FBXO15: variants seen among roughly 807,000 people sequenced by gnomAD.
The protein encoded by FBXO15 is F-box only protein 15.
Under a neutral mutation model 49.5 loss-of-function variants are expected in FBXO15, and 30 were observed. The observed-to-expected ratio is 0.61, with a 90% confidence interval of 0.45 to 0.82. FBXO15 has a LOEUF of 0.82. Ranked by LOEUF, FBXO15 falls within the 40% of genes least tolerant of loss-of-function variation. The pLI is 0.00. For synonymous variants in FBXO15, 250 were observed against 232.7 expected, an observed-to-expected ratio of 1.07 and a Z score of -0.68; for missense variants, 591 against 631.5, an observed-to-expected ratio of 0.94 and a Z score of 0.69.
At chr18:74,084,593 C>T (rs1022225421) in intron 8 of FBXO15, among the ~76,000 whole-genome samples, 2 of 152,198 alleles carry the variant, frequency 1.3e-5, no homozygotes, top group Non-Finnish European at 2.9e-5. Flanking sequence ...CATTAAATTC[C>T]CGTGCTCCTT....
intron 8 of FBXO15, among the ~76,000 whole-genome samples, chr18:74,092,428 G>T (rs750374294): frequency 6.6e-6 from 1 of 152,164 alleles, no homozygotes; most frequent in East Asian, 1.9e-4. Flanking sequence ...TAGTGTGGTC[G>T]TTTGGAGGTG....
chr18:74,087,883 T>C (rs961108287), intron 8 of FBXO15, among the ~76,000 whole-genome samples: 1 of 152,204 alleles, frequency 6.6e-6, no homozygotes, highest in Non-Finnish European at 1.5e-5. Context: ...TGTGTCATTT[T>C]TTTGAATTTT....
intron 6 of FBXO15, 98 bp from the exon 7 acceptor site, chr18:74,124,669 G>C: frequency 9.9e-7 from 1 of 1,009,990 alleles, no homozygotes; most frequent in Non-Finnish European, 1.6e-6. Flanking sequence ...CTTGCAGATA[G>C]AGGCACTTTC....
chr18:74,134,445 T>C (rs2145211792), intron 3 of FBXO15, among the ~76,000 whole-genome samples: 1 of 147,468 alleles, frequency 6.8e-6, no homozygotes, highest in East Asian at 2.1e-4. Context: ...CTCAGCTCAC[T>C]GCAAGCTCCG....
At position 74,140,295 on chromosome 18, in the gene FBXO15, T is replaced by G. The variant is rs1455116450; in HGVS notation, c.134A>C (p.Lys45Thr). 1.3e-6 allele frequency: 2 copies of G among 1,551,066 alleles called. No individual in the cohort carries two copies. The highest frequency in any genetic ancestry group is 1.7e-6 in the Non-Finnish European group (2 of 1,146,832). Residue 45 changes from lysine to threonine, a missense_variant, in exon 2 of 10, where the codon AAG becomes ACG. Lys to Thr is a moderately conservative substitution (Grantham distance 78). Coordinates refer to ENST00000419743, the MANE Select transcript of FBXO15 (RefSeq NM_001142958.2). ...CAGGGCAGCAGAGCCTGCAGAAAGC[T>G]TGACCCCTGGCCCCTTTCTGAAAGT... The part of the protein sequence containing the change: ...AFGCRKGPGV[K>T]LSAGSAALRC...
At chr18:74,108,747 C>T (rs139223140) in intron 8 of FBXO15, among the ~76,000 whole-genome samples, 2 of 152,212 alleles carry the variant, frequency 1.3e-5, no homozygotes, top group African/African-American at 4.8e-5. Flanking sequence ...CAAAACTACA[C>T]CTAAGTGTAT....
intron 8 of FBXO15, among the ~76,000 whole-genome samples, chr18:74,105,172 TGAG>T (rs1234732153): frequency 9.9e-5 from 15 of 152,094 alleles, no homozygotes; most frequent in Non-Finnish European, 1.8e-4. Flanking sequence ...AGGACAGAGA[TGAG>T]GAGAAGTTAA....
chr18:74,147,624 G>T lies in FBXO15; in HGVS notation c.116+46C>A, dbSNP rs1217632674. ...GGTGAAGAGAGCGGGGCCGCGCAGT[G>T]ACGGGCTTCCCGCCAGGGGACCCCA... is the stretch of plus-strand genomic sequence containing the variant. On this transcript the variant is annotated intron_variant, in intron 1 of 9. Coordinates refer to ENST00000419743, the MANE Select transcript of FBXO15 (RefSeq NM_001142958.2). 4 of 1,375,778 alleles carry T rather than the reference G, an allele frequency of 2.9e-6. No homozygotes were observed. The Admixed American group carries it at 1.3e-4, about 46-fold the overall frequency. 85.2% of individuals were successfully genotyped at this position (1,375,778 alleles called of 1,614,324 possible).
At position 74,142,001 on chromosome 18, in the gene FBXO15, C is replaced by T. The variant is rs768693797; in HGVS notation, c.117-1689G>A. Among the ~76,000 whole-genome samples the T allele has an allele frequency of 1.1e-4, 17 of 152,176 alleles. 1 individual carries two copies. Among genetic ancestry groups the T allele is most frequent in the Non-Finnish European group, 2.9e-5 (2 of 68,030 alleles). ...CAAATATTAGTGATCAGCTGCTCCA[C>T]TGGCATCTCAACAAAGAAGTTGCAT... is the stretch of plus-strand genomic sequence containing the variant. On this transcript the variant is annotated intron_variant, in intron 1 of 9. Transcript: ENST00000419743.
intron 6 of FBXO15, 45 bp from the exon 7 acceptor site, chr18:74,124,616 T>C (rs770170297): frequency 6.6e-7 from 1 of 1,515,078 alleles, no homozygotes; most frequent in Non-Finnish European, 9.2e-7. Flanking sequence ...CCAAAATGCT[T>C]ACATTTTTCA....
intron 8 of FBXO15, among the ~76,000 whole-genome samples, chr18:74,116,869 G>A (rs998502625): frequency 6.6e-6 from 1 of 152,022 alleles, no homozygotes; most frequent in Non-Finnish European, 1.5e-5. Flanking sequence ...ACTTCCTGCA[G>A]CTCCCTACAG....
Position 74,123,399 on chromosome 18 carries a change from A to C in FBXO15, c.1107T>G (p.Cys369Trp). 6.2e-7 allele frequency: 1 copy of C among 1,613,760 alleles called. No homozygotes were observed. Among genetic ancestry groups the C allele is most frequent in the South Asian group, 1.1e-5 (1 of 91,008 alleles). ...DLHSGGVFYL[C>W]GTFRNLFTKR... ...TGGTGAAGAGATTGCGAAATGTACCACATAGGTAGAAAACCCCACCGCTGT... is the reference window on the plus strand; with the variant it reads ...TGGTGAAGAGATTGCGAAATGTACCCCATAGGTAGAAAACCCCACCGCTGT... The change falls in exon 8 of 10, where the codon TGT becomes TGG. Residue 369 changes from cysteine to tryptophan, a missense_variant. Coordinates refer to ENST00000419743, the MANE Select transcript of FBXO15 (RefSeq NM_001142958.2).
intron 8 of FBXO15, among the ~76,000 whole-genome samples, chr18:74,115,748 T>TAATTTA (rs1362462988): frequency 6.6e-6 from 1 of 152,212 alleles, no homozygotes; most frequent in African/African-American, 2.4e-5. Context: ...GCATAATGTA[T>TAATTTA]AATTTAAATA....
intron 8 of FBXO15, among the ~76,000 whole-genome samples, chr18:74,105,317 A>G (rs1014544899): frequency 7.9e-5 from 12 of 152,360 alleles, no homozygotes; most frequent in Non-Finnish European, 1.8e-4. Context: ...TTCTAACATA[A>G]AAACCCTTAA....
intron 6 of FBXO15, among the ~76,000 whole-genome samples, chr18:74,125,540 A>G (rs573371072): frequency 6.6e-6 from 1 of 152,238 alleles, no homozygotes; most frequent in Non-Finnish European, 1.5e-5. Flanking sequence ...ATTTCACTCA[A>G]TGCCGCACCT....
intron 8 of FBXO15, chr18:74,100,043 A>T (rs1163221385): frequency 6.6e-6 from 1 of 152,224 alleles, no homozygotes; most frequent in Non-Finnish European, 1.5e-5. Context: ...AATGGATTTA[A>T]ACTATACCCT....
At chr18:74,076,606 G>A (rs1033823996) in intron 9 of FBXO15, 2 of 152,140 alleles carry the variant, frequency 1.3e-5, no homozygotes, top group African/African-American at 4.8e-5. Context: ...AAGCAGACTA[G>A]GAAACCAAGT....
intron 8 of FBXO15, among the ~76,000 whole-genome samples, chr18:74,092,071 ATTC>A (rs1436011129): frequency 6.6e-6 from 1 of 151,772 alleles, no homozygotes; most frequent in East Asian, 1.9e-4. Flanking sequence ...GATTTTTTTC[ATTC>A]TTCTTGTTTT....
At chr18:74,073,758 A>G (rs1912140856) in intron 9 of FBXO15, 28 bp from the exon 10 acceptor site, 2 of 1,587,196 alleles carry the variant, frequency 1.3e-6, no homozygotes, top group East Asian at 4.5e-5. Flanking sequence ...ATTGACAAGG[A>G]TAAAAAGGCC....
Sources: allele counts gnomAD v4.1 joint callset (sites outside exome capture counted in the v4.1 genomes callset), GRCh38; gene constraint gnomAD v4.1.1; transcripts MANE v1.5; gene names NCBI Gene and HGNC (gene_info 2026-07-23, HGNC 2026-07-21).